PER3: variants seen among roughly 807,000 people sequenced by gnomAD.
PER3 encodes the protein period circadian protein homolog 3.
In PER3, 107 loss-of-function variants were observed where a neutral mutation model predicts 127.2. The observed-to-expected ratio is 0.84, with a 90% CI of 0.72 to 0.99. PER3 has a LOEUF of 0.99. Among genes scored for constraint, PER3 ranks in the 50% least tolerant of loss-of-function variants. The pLI is 0.00. For missense variants in PER3, 1,560 were observed against 1,525.8 expected, an observed-to-expected ratio of 1.02 and a Z score of -0.37; for synonymous variants, 618 against 585.8, an observed-to-expected ratio of 1.05 and a Z score of -0.79.
chr1:7,839,702 G>A (rs2097375184), intron 21 of PER3, among the ~76,000 whole-genome samples: 1 of 152,160 alleles, frequency 6.6e-6, no homozygotes, highest in Admixed American at 6.5e-5. Context: ...TGAATACACT[G>A]GGACACTGCC....
At chr1:7,838,927 C>G (rs369726249) in intron 21 of PER3, among the ~76,000 whole-genome samples, 1 of 152,062 alleles carries the variant, frequency 6.6e-6, no homozygotes. Context: ...AGAATTTAGC[C>G]CATTTACATT....
intron 21 of PER3, among the ~76,000 whole-genome samples, chr1:7,838,054 A>G (rs1269218956): frequency 6.7e-6 from 1 of 149,084 alleles, no homozygotes; most frequent in Non-Finnish European, 1.5e-5. Flanking sequence ...CAAAAAAGAC[A>G]AATAATTCGT....
At chr1:7,825,017 A>T (rs908105364) in intron 16 of PER3, among the ~76,000 whole-genome samples, 5 of 151,114 alleles carry the variant, frequency 3.3e-5, no homozygotes, top group Non-Finnish European at 5.9e-5. Context: ...TCAGTGTCTG[A>T]AACCTATTAT....
chr1:7,832,837 A>AT (rs61585135), intron 19 of PER3, among the ~76,000 whole-genome samples: 2,312 of 132,986 alleles, frequency 0.017, 37 homozygotes, highest in African/African-American at 0.044. Context: ...CATCCCTCAA[A>AT]TTTTTTTTTT....
In PER3 at chr1:7,844,124, G is replaced by T. The variant is rs139428466; in HGVS notation, c.*1369G>T. On this transcript the variant is annotated 3_prime_UTR_variant, in exon 22 of 22. Transcript: ENST00000377532. Reference sequence around the variant, plus strand: ...AAGTTTTACAGCTTTTTGTAAATGCGTCCTGATAATGATTAGGAAAATCGA... The same window carrying T: ...AAGTTTTACAGCTTTTTGTAAATGCTTCCTGATAATGATTAGGAAAATCGA... 1.0e-5 allele frequency: 3 copies of T among 294,350 alleles called. No individual in the cohort carries two copies. Among genetic ancestry groups the T allele is most frequent in the Admixed American group, 1.2e-4 (2 of 16,616 alleles). The allele number at this position is 294,350 out of a possible 1,614,324, so 18.2% of individuals were successfully genotyped here.
intron 4 of PER3, 64 bp downstream of exon 4, chr1:7,786,900 G>T: frequency 1.1e-6 from 1 of 899,698 alleles, no homozygotes. Flanking sequence ...TGCTCTAGAT[G>T]TAGGCTTTTA....
chr1:7,827,685 GCGA>G lies in PER3; in HGVS notation c.2757_2759del (p.Ser919_Glu920delinsArg). 1 of 1,614,156 alleles carries G rather than the reference GCGA, an allele frequency of 6.2e-7. No homozygotes were observed. The highest frequency in any genetic ancestry group is 8.5e-7 in the Non-Finnish European group (1 of 1,180,026). On this transcript the variant is annotated inframe_deletion, in exon 18 of 22. Coordinates refer to ENST00000377532, the MANE Select transcript of PER3 (RefSeq NM_001377275.1). The stretch of plus-strand genomic sequence containing the variant: ...GAGGAGGAAAAGTGGGAGGCACAAA[GCGA>G]GGGGCACCCGTTCATTACTTCGAGA...
intron 6 of PER3, among the ~76,000 whole-genome samples, chr1:7,797,059 G>A (rs1278139167): frequency 6.6e-6 from 1 of 152,162 alleles, no homozygotes; most frequent in Non-Finnish European, 1.5e-5. Context: ...CTCTATGAGA[G>A]TCTGGAGTTA....
chr1:7,829,949 CAGGA>C lies in PER3; in HGVS notation c.3003_3006del (p.Gly1002ArgfsTer4). On this transcript the variant is annotated frameshift_variant, in exon 19 of 22. Coordinates refer to ENST00000377532, the MANE Select transcript of PER3 (RefSeq NM_001377275.1). LOFTEE classifies it high-confidence loss of function. ...CATCCTACTGCCAGCGCTCTGTCCA[CAGGA>C]TCGCCTCCCATGAAGAATCCATCCC... 5 of 1,269,682 alleles carry C rather than the reference CAGGA, an allele frequency of 3.9e-6. No homozygotes were observed. The highest frequency in any genetic ancestry group is 3.0e-6 in the Non-Finnish European group (3 of 991,464). The allele number at this position is 1,269,682 out of a possible 1,614,324, so 78.7% of individuals were successfully genotyped here.
At chr1:7,786,623 C>T in intron 3 of PER3, 98 bp from the exon 4 acceptor site, 1 of 681,720 alleles carries the variant, frequency 1.5e-6, no homozygotes, top group Non-Finnish European at 2.7e-6. Context: ...CTGAGGTGTT[C>T]TCATCCGAAA....
chr1:7,785,416 G>A (rs768818735), intron 2 of PER3, 25 bp from the exon 3 acceptor site: 2 of 1,595,656 alleles, frequency 1.3e-6, no homozygotes, highest in Admixed American at 1.7e-5. Flanking sequence ...AGAGGATGAA[G>A]TTGTAATTTT....
chr1:7,807,563 G>A (rs560951201), intron 10 of PER3, among the ~76,000 whole-genome samples: 4 of 152,260 alleles, frequency 2.6e-5, no homozygotes, highest in African/African-American at 7.2e-5. Context: ...AGACGTAGGC[G>A]GATTCAAATC....
At chr1:7,785,096 G>C (rs1284561785) in intron 2 of PER3, 91 bp downstream of exon 2, 9 of 1,397,048 alleles carry the variant, frequency 6.4e-6, no homozygotes, top group Middle Eastern at 1.8e-4. Context: ...TTATTCTTTT[G>C]TTTTCAAGCC....
At chr1:7,838,290 T>C in intron 21 of PER3, among the ~76,000 whole-genome samples, 1 of 152,192 alleles carries the variant, frequency 6.6e-6, no homozygotes. Flanking sequence ...TATGCAACCA[T>C]CACCACCATC....
intron 10 of PER3, among the ~76,000 whole-genome samples, chr1:7,804,524 C>G (rs1037836242): frequency 6.6e-5 from 10 of 151,582 alleles, no homozygotes; most frequent in African/African-American, 2.4e-4. Flanking sequence ...CTTCAGCCTC[C>G]CAAGTAGCTG....
chr1:7,827,243 C>T lies in PER3; in HGVS notation c.2314C>T (p.His772Tyr). The change falls in exon 18 of 22, where the codon CAT becomes TAT. Residue 772 changes from histidine (H) to tyrosine (Y), a missense_variant. Physicochemically the swap from His to Tyr is moderately conservative, Grantham distance 83. Transcript: ENST00000377532. ...NTGSGPRRGA[H>Y]QNAQPCCPSA... ...CGGCTCTGGTCCCCGCAGGGGAGCGCATCAGAACGCACAGCCCTGCTGCCC... is the reference window on the plus strand; with the variant it reads ...CGGCTCTGGTCCCCGCAGGGGAGCGTATCAGAACGCACAGCCCTGCTGCCC... 6.2e-7 allele frequency: 1 copy of T among 1,613,966 alleles called. No individual in the cohort carries two copies. The highest frequency in any genetic ancestry group is 8.5e-7 in the Non-Finnish European group (1 of 1,179,960).
intron 13 of PER3, among the ~76,000 whole-genome samples, chr1:7,815,504 TC>T (rs1421883085): frequency 1.3e-5 from 2 of 152,206 alleles, no homozygotes; most frequent in African/African-American, 4.8e-5. Flanking sequence ...AGGAGTTGAT[TC>T]CTTAGGAACA....
Position 7,842,697 on chromosome 1 carries a change from A to T in PER3, c.3575A>T (p.Asp1192Val). The change falls in exon 22 of 22, where the codon GAT (aspartate) becomes GTT (valine). Residue 1192 changes from aspartate (D) to valine (V), a missense_variant. Physicochemically the swap from Asp to Val is radical, Grantham distance 152 (BLOSUM62 -3). This residue lies in a region of PER3 where 199 missense variants were observed against 198.6 expected (regional missense o/e 1.00). Coordinates refer to ENST00000377532, the MANE Select transcript of PER3 (RefSeq NM_001377275.1). ...IQACVTCENE[D>V]SADGAATSCG... ...GCCTGTGTCACTTGTGAAAATGAAG[A>T]TTCAGCTGATGGTGCGGCCACATCC... is the stretch of plus-strand genomic sequence containing the variant. The T allele has an allele frequency of 6.2e-7, 1 of 1,613,488 alleles. No homozygotes were observed. The highest frequency in any genetic ancestry group is 8.5e-7 in the Non-Finnish European group (1 of 1,179,552).
chr1:7,785,602 A>G lies in PER3; in HGVS notation c.274+16A>G. ...AGCGTTCAAGGTAAACAAGCCGGAG[A>G]GAAATTTCATCCTACGAATGCACCA... is the stretch of plus-strand genomic sequence containing the variant. On this transcript the variant is annotated intron_variant, in intron 3 of 21. Coordinates refer to ENST00000377532, the MANE Select transcript of PER3 (RefSeq NM_001377275.1). The G allele has an allele frequency of 6.2e-7, 1 of 1,606,582 alleles. No homozygotes were observed. The highest frequency in any genetic ancestry group is 8.5e-7 in the Non-Finnish European group (1 of 1,175,320).
Sources: allele counts gnomAD v4.1 joint callset (sites outside exome capture counted in the v4.1 genomes callset), GRCh38; gene constraint gnomAD v4.1.1; regional missense constraint gnomAD v4.1.1; transcripts MANE v1.5; gene names NCBI Gene and HGNC (gene_info 2026-07-23, HGNC 2026-07-21).